The following GALNT17 variants were observed in gnomAD, a reference collection of about 807,000 sequenced individuals.
GALNT17 encodes polypeptide N-acetylgalactosaminyltransferase 17, also known as UDP-GalNAc:polypeptide N-acetylgalactosaminyltransferase-like 3.
Under a neutral mutation model 63.7 loss-of-function variants are expected in GALNT17, and 29 were observed. The ratio of observed to expected loss-of-function variants is 0.46; its 90% CI spans 0.34 to 0.62. The LOEUF is 0.62. Among genes scored for constraint, GALNT17 ranks in the 20% least tolerant of loss-of-function variants. GALNT17 has a pLI of 0.01. For synonymous variants in GALNT17, 305 were observed against 318.3 expected (o/e 0.96, Z 0.45); for missense variants, 603 against 799.6 (o/e 0.75, Z 2.97).
At chr7:71,143,503 G>A (rs973444400) in intron 1 of GALNT17, among the ~76,000 whole-genome samples, 3 of 152,112 alleles carry the variant, frequency 2.0e-5, no homozygotes, top group Non-Finnish European at 2.9e-5. Context: ...GCAAGGGAAT[G>A]GCATGAGCAG....
At chr7:71,462,430 G>A (rs1435352853) in intron 5 of GALNT17, among the ~76,000 whole-genome samples, 2 of 152,242 alleles carry the variant, frequency 1.3e-5, no homozygotes, top group Admixed American at 1.3e-4. Flanking sequence ...TGACAGGGTT[G>A]TAGCTGTGAA....
chr7:71,394,559 A>G (rs1373049683), intron 3 of GALNT17, among the ~76,000 whole-genome samples: 1 of 152,126 alleles, frequency 6.6e-6, no homozygotes, highest in Non-Finnish European at 1.5e-5. Context: ...AGCCCAGAAC[A>G]ATTCAAACCT....
chr7:71,659,303 A>G (rs376003455), intron 6 of GALNT17, among the ~76,000 whole-genome samples: 1 of 152,218 alleles, frequency 6.6e-6, no homozygotes, highest in Admixed American at 6.5e-5. Context: ...TGGCCTAAAT[A>G]ACAATTGATT....
intron 9 of GALNT17, among the ~76,000 whole-genome samples, chr7:71,683,301 A>G (rs1174812348): frequency 6.6e-6 from 1 of 151,998 alleles, no homozygotes; most frequent in Non-Finnish European, 1.5e-5. Context: ...CTACTCACTC[A>G]TCAAAGCTCC....
At chr7:71,320,838 A>G (rs999370927) in intron 1 of GALNT17, among the ~76,000 whole-genome samples, 2 of 152,146 alleles carry the variant, frequency 1.3e-5, no homozygotes, top group African/African-American at 4.8e-5. Context: ...CTGATTTCAT[A>G]ATTTACCTTC....
At chr7:71,366,628 T>G (rs1347961733) in intron 2 of GALNT17, among the ~76,000 whole-genome samples, 2 of 152,116 alleles carry the variant, frequency 1.3e-5, no homozygotes, top group Non-Finnish European at 2.9e-5. Flanking sequence ...GCCCCAGATC[T>G]CTCTCTTCTC....
intron 2 of GALNT17, among the ~76,000 whole-genome samples, chr7:71,386,025 G>A (rs1303412852): frequency 6.6e-6 from 1 of 152,128 alleles, no homozygotes; most frequent in Non-Finnish European, 1.5e-5. Context: ...GGGACCCTCT[G>A]GAGTGCTCTT....
chr7:71,338,730 T>G (rs550949094), intron 2 of GALNT17, among the ~76,000 whole-genome samples: 21 of 152,346 alleles, frequency 1.4e-4, no homozygotes, highest in African/African-American at 5.1e-4. Context: ...ATTTGTAGTG[T>G]CTCTCTTTTT....
rs1002966208 is a variant in GALNT17 at position 71,165,278 on chromosome 7, A to G, written c.238+32238A>G. ...TTTGGAGTCTGAAAATCCGAGTTCA[A>G]GTTCTGGCACTGCTACTTAGTTTAT... On this transcript the variant is annotated intron_variant, in intron 1 of 10. Coordinates refer to ENST00000333538, the MANE Select transcript of GALNT17 (RefSeq NM_022479.3). 1.1e-4 allele frequency among the ~76,000 whole-genome samples: 17 copies of G among 152,316 alleles called. No homozygotes were observed. In the South Asian group the frequency reaches 3.5e-3, roughly 32 times the overall value.
rs370780821 is a variant in GALNT17 at position 71,221,908 on chromosome 7, ATTT to A, written c.238+88889_238+88891del. On this transcript the variant is annotated intron_variant, in intron 1 of 10. Transcript: ENST00000333538. Reference sequence around the variant, plus strand: ...CAAGTAAACTACAGACCTTATTTAGATTTTTTTTTTTTTTTTTTTTTTTGACGA... The same window carrying A: ...CAAGTAAACTACAGACCTTATTTAGATTTTTTTTTTTTTTTTTTTTGACGA... Among the ~76,000 whole-genome samples the A allele has an allele frequency of 2.1e-3, 242 of 114,674 alleles. 1 individual carries two copies. The highest frequency in any genetic ancestry group is 0.018 in the East Asian group (65 of 3,526). The allele number at this position is 114,674 out of a possible 152,430, so 75.2% of individuals were successfully genotyped here.
At chr7:71,367,517 C>CA (rs1331176785) in intron 2 of GALNT17, among the ~76,000 whole-genome samples, 1 of 152,156 alleles carries the variant, frequency 6.6e-6, no homozygotes, top group African/African-American at 2.4e-5. Flanking sequence ...GGTTTCCAGA[C>CA]AAGTGTCCCT....
At chr7:71,693,163 G>C (rs7797610) in intron 9 of GALNT17, among the ~76,000 whole-genome samples, 111,494 of 146,394 alleles carry the variant, frequency 0.76, 42,728 homozygotes, top group East Asian at 0.85. Flanking sequence ...ATATATTTAA[G>C]TATATACTAT....
rs928530071 is a variant in GALNT17 at position 71,266,041 on chromosome 7, T to G, written c.239-69509T>G. Reference sequence around the variant, plus strand: ...CCTAGCTTCCAGAGGCTGCCAGCATTCCTTGGCTTATGGCCGCATCACTCC... The same window carrying G: ...CCTAGCTTCCAGAGGCTGCCAGCATGCCTTGGCTTATGGCCGCATCACTCC... On this transcript the variant is annotated intron_variant, in intron 1 of 10. Coordinates refer to ENST00000333538, the MANE Select transcript of GALNT17 (RefSeq NM_022479.3). Among the ~76,000 whole-genome samples, 3 of 152,282 alleles carry G rather than the reference T, an allele frequency of 2.0e-5. No homozygotes were observed. The East Asian group carries it at 5.8e-4, about 29-fold the overall frequency.
chr7:71,191,276 G>T (rs1788947258), intron 1 of GALNT17, among the ~76,000 whole-genome samples: 1 of 151,688 alleles, frequency 6.6e-6, no homozygotes, highest in Non-Finnish European at 1.5e-5. Flanking sequence ...AGTTTTGCCT[G>T]CTCTAGAACT....
At chr7:71,380,552 C>G (rs995540068) in intron 2 of GALNT17, among the ~76,000 whole-genome samples, 1 of 151,946 alleles carries the variant, frequency 6.6e-6, no homozygotes, top group South Asian at 2.1e-4. Flanking sequence ...GAACTCCTGG[C>G]CTCAACAATC....
chr7:71,335,677 A>G lies in GALNT17; in HGVS notation c.366A>G (p.Ser122=). The G allele has an allele frequency of 6.2e-7, 1 of 1,612,684 alleles. No homozygotes were observed. Among genetic ancestry groups the G allele is most frequent in the Middle Eastern group, 1.7e-4 (1 of 6,058 alleles). ...KGPHEKYGYN[S]YLSEKISLDR... is the part of the protein sequence containing the mutation. ...CCCATGAGAAGTATGGCTACAATTC[A>G]TACCTCAGTGAAAAAATTTCACTGG... The change falls in exon 2 of 11, where the codon TCA becomes TCG. Residue 122 remains serine (S), a synonymous_variant. Coordinates refer to ENST00000333538, the MANE Select transcript of GALNT17 (RefSeq NM_022479.3).
chr7:71,205,419 T>C (rs1030261258), intron 1 of GALNT17, among the ~76,000 whole-genome samples: 1 of 152,132 alleles, frequency 6.6e-6, no homozygotes, highest in African/African-American at 2.4e-5. Flanking sequence ...CCCAAAGTGC[T>C]GGGATTACAG....
At chr7:71,332,394 G>C (rs944498017) in intron 1 of GALNT17, among the ~76,000 whole-genome samples, 1 of 152,034 alleles carries the variant, frequency 6.6e-6, no homozygotes, top group Non-Finnish European at 1.5e-5. Context: ...TCCTGTGCAC[G>C]CTTGAGCTCT....
chr7:71,407,015 G>A (rs543738809), intron 3 of GALNT17, among the ~76,000 whole-genome samples: 58 of 152,286 alleles, frequency 3.8e-4, no homozygotes, highest in African/African-American at 1.2e-3. Context: ...CAAACTCTGC[G>A]TTGAAGACCA....
Sources: allele counts gnomAD v4.1 joint callset (sites outside exome capture counted in the v4.1 genomes callset), GRCh38; gene constraint gnomAD v4.1.1; transcripts MANE v1.5; gene names NCBI Gene and HGNC (gene_info 2026-07-23, HGNC 2026-07-21).